Variants in NLGN1 observed in about 807,000 individuals in gnomAD.
NLGN1 encodes the protein neuroligin 1.
Under a neutral mutation model 65.5 loss-of-function variants are expected in NLGN1, and 12 were observed. The ratio of observed to expected loss-of-function variants is 0.18; its 90% CI spans 0.12 to 0.30. The LOEUF (loss-of-function observed/expected upper bound fraction) is 0.30, where lower values mean the gene tolerates loss of function less well. NLGN1 is among the 10% of genes least tolerant of loss of function. The pLI, the probability that NLGN1 is intolerant of heterozygous loss-of-function variation, is 1.00. For missense variants in NLGN1, 750 were observed against 1,007.1 expected (o/e 0.74, Z 3.46); for synonymous variants, 350 against 359.5 (o/e 0.97, Z 0.30).
intron 4 of NLGN1, among the ~76,000 whole-genome samples, chr3:174,039,702 A>T (rs1278042860): frequency 6.6e-6 from 1 of 152,144 alleles, no homozygotes; most frequent in East Asian, 1.9e-4. Context: ...AAATAGCAAT[A>T]GAGTGATTTC....
At chr3:174,265,583 A>G (rs187940059) in intron 4 of NLGN1, among the ~76,000 whole-genome samples, 2,379 of 151,182 alleles carry the variant, frequency 0.016, 36 homozygotes, top group East Asian at 0.028. Flanking sequence ...ACTGTCTGGC[A>G]CTCCCTAGTG....
intron 3 of NLGN1, among the ~76,000 whole-genome samples, chr3:173,807,260 T>C (rs555930570): frequency 6.6e-6 from 1 of 152,302 alleles, no homozygotes; most frequent in Admixed American, 6.5e-5. Context: ...ACAGATTCTT[T>C]TGTTCACAAC....
chr3:173,844,846 T>C (rs1906569), intron 4 of NLGN1, among the ~76,000 whole-genome samples: 128,360 of 152,246 alleles, frequency 0.84, 54,518 homozygotes, highest in African/African-American at 0.88. Context: ...AAAGAAAACA[T>C]GTTGTCACTA....
intron 3 of NLGN1, among the ~76,000 whole-genome samples, chr3:173,626,245 A>G (rs992210188): frequency 6.6e-6 from 1 of 152,088 alleles, no homozygotes; most frequent in Non-Finnish European, 1.5e-5. Context: ...AATTGCTACC[A>G]TTTTGGGCAG....
intron 4 of NLGN1, among the ~76,000 whole-genome samples, chr3:174,129,168 TA>T (rs1719591074): frequency 6.6e-6 from 1 of 152,032 alleles, no homozygotes; most frequent in African/African-American, 2.4e-5. Flanking sequence ...GTTTCAGAAA[TA>T]TCAGTCGGCT....
At chr3:174,074,201 G>A (rs1327859202) in intron 4 of NLGN1, among the ~76,000 whole-genome samples, 3 of 152,100 alleles carry the variant, frequency 2.0e-5, no homozygotes, top group Non-Finnish European at 4.4e-5. Flanking sequence ...TAACTCTCAC[G>A]TGTTTCTGTC....
chr3:174,087,381 G>T (rs2152560618), intron 4 of NLGN1, among the ~76,000 whole-genome samples: 1 of 152,170 alleles, frequency 6.6e-6, no homozygotes, highest in Non-Finnish European at 1.5e-5. Flanking sequence ...TAACTTTTCT[G>T]GAGTAGTTAA....
At chr3:173,533,618 G>A (rs138287416) in intron 2 of NLGN1, among the ~76,000 whole-genome samples, 155 of 152,122 alleles carry the variant, frequency 1.0e-3, no homozygotes, top group African/African-American at 3.3e-3. Flanking sequence ...ATGACCAAAC[G>A]ACATGTTTGA....
intron 4 of NLGN1, among the ~76,000 whole-genome samples, chr3:174,197,745 T>A (rs1433705030): frequency 7.3e-6 from 1 of 137,756 alleles, no homozygotes; most frequent in East Asian, 2.5e-4. Context: ...ATAATTCCCA[T>A]TATCTCGTGT....
chr3:173,710,496 G>A (rs772788511), intron 3 of NLGN1, among the ~76,000 whole-genome samples: 41 of 151,942 alleles, frequency 2.7e-4, no homozygotes, highest in Non-Finnish European at 4.7e-4. Flanking sequence ...CTATTGTTAC[G>A]TACTAAAAGC....
intron 4 of NLGN1, among the ~76,000 whole-genome samples, chr3:174,033,516 G>A (rs768643215): frequency 0.26 from 39,621 of 151,792 alleles, 6,054 homozygotes; most frequent in African/African-American, 0.42. Context: ...ATCAAATGGG[G>A]CATTTAAAAT....
intron 4 of NLGN1, among the ~76,000 whole-genome samples, chr3:174,241,832 G>T (rs113826899): frequency 6.6e-6 from 1 of 151,984 alleles, no homozygotes; most frequent in Non-Finnish European, 1.5e-5. Flanking sequence ...ATAATTTTTT[G>T]TATTTTTAGT....
At chr3:173,831,284 A>G (rs575855347) in intron 4 of NLGN1, among the ~76,000 whole-genome samples, 1 of 152,338 alleles carries the variant, frequency 6.6e-6, no homozygotes, top group Admixed American at 6.5e-5. Context: ...CTGCACATAC[A>G]TTTGAAAAAG....
intron 3 of NLGN1, among the ~76,000 whole-genome samples, chr3:173,758,236 G>C (rs917763960): frequency 6.6e-6 from 1 of 151,956 alleles, no homozygotes; most frequent in African/African-American, 2.4e-5. Flanking sequence ...ATCAGCTTTT[G>C]TCTTGATCTT....
At chr3:174,006,465 A>G (rs1440622571) in intron 4 of NLGN1, among the ~76,000 whole-genome samples, 2 of 152,214 alleles carry the variant, frequency 1.3e-5, no homozygotes, top group Non-Finnish European at 2.9e-5. Context: ...ATTTGAAAAG[A>G]TCTATCCAAT....
chr3:173,583,247 A>G (rs3774047), intron 2 of NLGN1, among the ~76,000 whole-genome samples: 16,120 of 152,274 alleles, frequency 0.11, 995 homozygotes, highest in Admixed American at 0.18. Flanking sequence ...TTTAGAATTA[A>G]CTTTTAGGCT....
chr3:174,077,624 C>T (rs1423412756), intron 4 of NLGN1, among the ~76,000 whole-genome samples: 2 of 151,844 alleles, frequency 1.3e-5, no homozygotes, highest in Admixed American at 1.3e-4. Context: ...GGCATGATCT[C>T]GACTCACTGC....
At chr3:174,293,244 G>T in the NLGN1 span, among the ~76,000 whole-genome samples, 1 of 151,286 alleles carries the variant, frequency 6.6e-6, no homozygotes, top group Non-Finnish European at 1.5e-5. Flanking sequence ...CTTGCAAAGT[G>T]CTATCTCTTA....
chr3:174,047,661 C>T lies in NLGN1; in HGVS notation c.647-227654C>T, dbSNP rs185193639. 1.0e-3 allele frequency among the ~76,000 whole-genome samples: 159 copies of T among 151,896 alleles called. 1 individual carries two copies. Among genetic ancestry groups the T allele is most frequent in the Admixed American group, 2.6e-3 (40 of 15,238 alleles). ...CTACATACAGATACACATAGTAATA[C>T]GTGTTAAGTAAATATAAAAAACAGC... On this transcript the variant is annotated intron_variant, in intron 4 of 6. Coordinates refer to ENST00000457714, the Ensembl canonical transcript of NLGN1.
Sources: allele counts gnomAD v4.1 joint callset (sites outside exome capture counted in the v4.1 genomes callset), GRCh38; gene constraint gnomAD v4.1.1; transcripts MANE v1.5; gene names NCBI Gene and HGNC (gene_info 2026-07-23, HGNC 2026-07-21).